The following MAGI2 variants were observed in gnomAD, a reference collection of about 807,000 sequenced individuals.
MAGI2 encodes the protein membrane-associated guanylate kinase, WW and PDZ domain-containing protein 2.
A neutral mutation model predicts 133.3 loss-of-function variants in MAGI2; 35 were observed. The ratio of observed to expected loss-of-function variants is 0.26; its 90% CI spans 0.20 to 0.35. MAGI2 has a LOEUF of 0.35. Among genes scored for constraint, MAGI2 ranks in the 10% least tolerant of loss-of-function variants. The probability of loss-of-function intolerance (pLI) is 1.00; values close to 1 mark genes in which losing one functional copy is unlikely to be tolerated. For missense variants in MAGI2, 1,636 were observed against 1,863.4 expected (o/e 0.88, Z 2.25); for synonymous variants, 729 against 710.6 (o/e 1.03, Z -0.41).
intron 21 of MAGI2, among the ~76,000 whole-genome samples, chr7:78,048,398 C>G (rs1811651397): frequency 6.6e-6 from 1 of 152,146 alleles, no homozygotes; most frequent in Non-Finnish European, 1.5e-5. Flanking sequence ...ATGACTGTCA[C>G]AATGGATGTG....
At chr7:78,945,706 C>G (rs1446455758) in intron 2 of MAGI2, among the ~76,000 whole-genome samples, 2 of 152,116 alleles carry the variant, frequency 1.3e-5, no homozygotes, top group Non-Finnish European at 2.9e-5. Context: ...TTAACTTTCT[C>G]TGCTGCTTTG....
intron 1 of MAGI2, among the ~76,000 whole-genome samples, chr7:79,246,723 G>A (rs1443852862): frequency 1.3e-5 from 2 of 152,162 alleles, no homozygotes; most frequent in African/African-American, 4.8e-5. Context: ...AGAGTTAGGG[G>A]TAGAGAGTTT....
chr7:79,339,624 A>G (rs1174737885), intron 1 of MAGI2, among the ~76,000 whole-genome samples: 1 of 152,102 alleles, frequency 6.6e-6, no homozygotes, highest in East Asian at 1.9e-4. Flanking sequence ...TACGTATATT[A>G]AGTGCTTATC....
intron 1 of MAGI2, among the ~76,000 whole-genome samples, chr7:79,134,170 T>C (rs1006373625): frequency 3.9e-5 from 6 of 152,320 alleles, no homozygotes; most frequent in South Asian, 2.1e-4. Context: ...ATACTGACTT[T>C]TTAGGGGTCC....
chr7:78,720,112 T>C (rs945704323), intron 2 of MAGI2, among the ~76,000 whole-genome samples: 3 of 152,184 alleles, frequency 2.0e-5, no homozygotes, highest in African/African-American at 7.2e-5. Flanking sequence ...TAAATTCTTT[T>C]GTAAATATGT....
At chr7:78,100,086 G>T (rs1338207214) in intron 20 of MAGI2, among the ~76,000 whole-genome samples, 2 of 152,138 alleles carry the variant, frequency 1.3e-5, no homozygotes, top group African/African-American at 4.8e-5. Flanking sequence ...TCAGATATGA[G>T]ACATACCTGT....
rs141636872 is a variant in MAGI2, at chr7:79,368,115, T to A, written c.301+84905A>T. Among the ~76,000 whole-genome samples the A allele has an allele frequency of 2.4e-3, 360 of 152,100 alleles. 4 individuals are homozygous for A. Among genetic ancestry groups the A allele is most frequent in the East Asian group, 0.021 (107 of 5,124 alleles). On this transcript the variant is annotated intron_variant, in intron 1 of 21. Transcript: ENST00000354212. ...CGGCCCTTATAAGATGACTGAGCAC[T>A]ATATACTATTTAGACCAAAAGTTTT...
At chr7:79,040,921 G>A (rs1811604682) in intron 1 of MAGI2, among the ~76,000 whole-genome samples, 1 of 152,128 alleles carries the variant, frequency 6.6e-6, no homozygotes, top group South Asian at 2.1e-4. Flanking sequence ...CTAATACAGT[G>A]TTTGATAGCA....
intron 2 of MAGI2, among the ~76,000 whole-genome samples, chr7:78,884,839 A>G (rs1584274669): frequency 2.0e-5 from 3 of 151,648 alleles, no homozygotes; most frequent in African/African-American, 7.2e-5. Flanking sequence ...AAACAAAAAT[A>G]AGTGTTTCTA....
chr7:79,064,698 C>G (rs955639305), intron 1 of MAGI2, among the ~76,000 whole-genome samples: 1 of 152,058 alleles, frequency 6.6e-6, no homozygotes, highest in Non-Finnish European at 1.5e-5. Flanking sequence ...TATTCCTTCT[C>G]CCTGTGAAGT....
At chr7:78,588,794 T>C (rs1209835820) in intron 3 of MAGI2, among the ~76,000 whole-genome samples, 1 of 152,168 alleles carries the variant, frequency 6.6e-6, no homozygotes, top group Non-Finnish European at 1.5e-5. Context: ...AGTGGCAAGT[T>C]TTTCCCAGTG....
chr7:78,465,038 A>G (rs1790475225), intron 6 of MAGI2, among the ~76,000 whole-genome samples: 1 of 152,210 alleles, frequency 6.6e-6, no homozygotes, highest in Non-Finnish European at 1.5e-5. Context: ...AAAGTTACCT[A>G]TTATGACATA....
At chr7:78,307,077 G>A (rs760586711) in intron 9 of MAGI2, among the ~76,000 whole-genome samples, 9 of 151,924 alleles carry the variant, frequency 5.9e-5, no homozygotes, top group Admixed American at 1.3e-4. Context: ...TTGAACTATC[G>A]GAATATTAAT....
At position 78,675,891 on chromosome 7, in the gene MAGI2, T is replaced by C. The variant is rs1350237738; in HGVS notation, c.419-48652A>G. On this transcript the variant is annotated intron_variant, in intron 2 of 21. Coordinates refer to ENST00000354212, the MANE Select transcript of MAGI2 (RefSeq NM_012301.4). ...GGATGTGTCCAAAACTCAACTAGTG[T>C]TCCATGCACACTGGCCTAGTTCCTT... Among the ~76,000 whole-genome samples, 4 of 152,108 alleles carry C rather than the reference T, an allele frequency of 2.6e-5. No homozygotes were observed. The East Asian group carries it at 7.7e-4, about 29-fold the overall frequency.
At chr7:78,595,879 T>C (rs1396889749) in intron 3 of MAGI2, among the ~76,000 whole-genome samples, 1 of 152,110 alleles carries the variant, frequency 6.6e-6, no homozygotes, top group Non-Finnish European at 1.5e-5. Flanking sequence ...AGAATTTATT[T>C]GTTCCTAGAG....
chr7:78,294,506 T>G (rs895291758), intron 9 of MAGI2, among the ~76,000 whole-genome samples: 3 of 152,164 alleles, frequency 2.0e-5, no homozygotes, highest in Non-Finnish European at 4.4e-5. Flanking sequence ...AGTCTAGCAC[T>G]GTAGGGGACT....
intron 5 of MAGI2, among the ~76,000 whole-genome samples, chr7:78,490,262 T>C (rs1793477533): frequency 6.6e-6 from 1 of 152,128 alleles, no homozygotes; most frequent in Non-Finnish European, 1.5e-5. Context: ...TGTTACTCTT[T>C]AGCTACAGAG....
intron 1 of MAGI2, among the ~76,000 whole-genome samples, chr7:79,272,806 G>A (rs1834970363): frequency 6.6e-6 from 1 of 151,984 alleles, no homozygotes; most frequent in Admixed American, 6.6e-5. Flanking sequence ...AGTTAATTGA[G>A]TTAATTCACA....
At chr7:78,488,735 C>T (rs741256) in intron 6 of MAGI2, among the ~76,000 whole-genome samples, 30,012 of 151,822 alleles carry the variant, frequency 0.2, 3,322 homozygotes, top group East Asian at 0.46. Flanking sequence ...ATATAAATTA[C>T]AATCTCTAAT....
Sources: allele counts gnomAD v4.1 joint callset (sites outside exome capture counted in the v4.1 genomes callset), GRCh38; gene constraint gnomAD v4.1.1; transcripts MANE v1.5; gene names NCBI Gene and HGNC (gene_info 2026-07-23, HGNC 2026-07-21).